The following SYTL2 variants were observed in gnomAD, a reference collection of about 807,000 sequenced individuals.
The protein encoded by SYTL2 is synaptotagmin-like protein 2.
A neutral mutation model predicts 198.7 loss-of-function variants in SYTL2; 165 were observed. The observed-to-expected ratio is 0.83, with a 90% CI of 0.73 to 0.94. The LOEUF (loss-of-function observed/expected upper bound fraction) is 0.94, where lower values mean the gene tolerates loss of function less well. SYTL2 is among the 40% of genes least tolerant of loss of function. The pLI, the probability that SYTL2 is intolerant of heterozygous loss-of-function variation, is 0.00. For synonymous variants in SYTL2, 966 were observed against 917.7 expected, an observed-to-expected ratio of 1.05 and a Z score of -0.95; for missense variants, 2,835 against 2,582.8, an observed-to-expected ratio of 1.10 and a Z score of -2.12.
intron 1 of SYTL2, among the ~76,000 whole-genome samples, chr11:85,794,756 T>C (rs919536971): frequency 2.0e-5 from 3 of 152,198 alleles, no homozygotes; most frequent in Non-Finnish European, 4.4e-5. Context: ...AAACATGAAA[T>C]TGAATTTGTA....
intron 13 of SYTL2, among the ~76,000 whole-genome samples, chr11:85,710,778 A>G (rs1172970616): frequency 2.6e-5 from 4 of 152,196 alleles, no homozygotes; most frequent in African/African-American, 9.6e-5. Flanking sequence ...CATATATAAA[A>G]GCATATCTGA....
chr11:85,761,865 T>C (rs1412314028), intron 1 of SYTL2, among the ~76,000 whole-genome samples: 1 of 152,198 alleles, frequency 6.6e-6, no homozygotes, highest in Non-Finnish European at 1.5e-5. Flanking sequence ...TGCCACGTTG[T>C]ACAGGCTGGT....
At chr11:85,789,576 CT>C (rs1397535135) in intron 1 of SYTL2, among the ~76,000 whole-genome samples, 1 of 150,974 alleles carries the variant, frequency 6.6e-6, no homozygotes, top group African/African-American at 2.4e-5. Context: ...TATTCTCTTC[CT>C]TTTTGATACA....
chr11:85,833,729 C>CTTTTTTTTT, the SYTL2 span, among the ~76,000 whole-genome samples: 3 of 121,162 alleles, frequency 2.5e-5, no homozygotes, highest in African/African-American at 3.1e-5. Context: ...TCGAAGATTT[C>CTTTTTTTTT]TTTTTTTTTT....
At chr11:85,778,111 G>A (rs1235429620) in intron 1 of SYTL2, among the ~76,000 whole-genome samples, 1 of 152,080 alleles carries the variant, frequency 6.6e-6, no homozygotes, top group Non-Finnish European at 1.5e-5. Flanking sequence ...GAACCATCAT[G>A]CCCGGCCGGT....
At chr11:85,815,916 C>A (rs1566053721), upstream of SYTL2, among the ~76,000 whole-genome samples, 1 of 152,150 alleles carries the variant, frequency 6.6e-6, no homozygotes, top group Non-Finnish European at 1.5e-5. Flanking sequence ...GTAATCCCAG[C>A]ACTTTGGGAA....
Position 85,727,229 on chromosome 11 carries a change from G to A in SYTL2, c.2129C>T (p.Ser710Leu), listed in dbSNP as rs1301478356. The stretch of plus-strand genomic sequence containing the variant: ...TGTTGAAGAGTCAAAATTCACTTCT[G>A]AGTGTCCTCTATTTTCTTCATGAGC... ...FHAHEENRGH[S>L]EVNFDSSTVV... Residue 710 changes from serine (S) to leucine (L), a missense_variant, in exon 8 of 20, where the codon TCA becomes TTA. Ser to Leu is a moderately radical substitution (Grantham distance 145). Coordinates refer to ENST00000359152, the MANE Select transcript of SYTL2 (RefSeq NM_206927.4). 3 of 1,535,990 alleles carry A rather than the reference G, an allele frequency of 2.0e-6. No individual in the cohort carries two copies. The East Asian group carries it at 7.3e-5, about 38-fold the overall frequency.
At chr11:85,758,762 G>A (rs2091991902) in intron 1 of SYTL2, among the ~76,000 whole-genome samples, 1 of 152,208 alleles carries the variant, frequency 6.6e-6, no homozygotes, top group African/African-American at 2.4e-5. Context: ...CATCCAAAGT[G>A]AGGATTTTTC....
chr11:85,752,936 A>AC (rs1488540954), intron 2 of SYTL2, among the ~76,000 whole-genome samples: 13 of 143,230 alleles, frequency 9.1e-5, no homozygotes, highest in Non-Finnish European at 1.5e-4. Context: ...AAAAAAAAAA[A>AC]AAAAAAAAAA....
intron 12 of SYTL2, 126 bp from the exon 13 acceptor site, chr11:85,711,358 T>G: frequency 1.0e-6 from 1 of 986,580 alleles, no homozygotes; most frequent in Non-Finnish European, 1.5e-6. Flanking sequence ...AGGATGCTAG[T>G]GCTAATTGCC....
the SYTL2 span, chr11:85,853,015 C>T: frequency 7.9e-3 from 2,498 of 316,942 alleles, 55 homozygotes; most frequent in African/African-American, 0.052. Flanking sequence ...GGAGCCCCTG[C>T]GCCCGGCAGC....
the SYTL2 span, among the ~76,000 whole-genome samples, chr11:85,825,371 G>A: frequency 7.7e-6 from 1 of 129,144 alleles, no homozygotes; most frequent in South Asian, 2.9e-4. Flanking sequence ...CTGGGCGACA[G>A]AGCGAGACTC....
chr11:85,813,363 T>C (rs2093057394), upstream of SYTL2, among the ~76,000 whole-genome samples: 1 of 152,154 alleles, frequency 6.6e-6, no homozygotes, highest in Non-Finnish European at 1.5e-5. Flanking sequence ...ACTGTGAAGA[T>C]TAAAAGAAGA....
intron 19 of SYTL2, among the ~76,000 whole-genome samples, chr11:85,695,582 T>G (rs1028306346): frequency 4.6e-5 from 7 of 152,192 alleles, no homozygotes. Context: ...AAAGGCCAGA[T>G]GAAAATTCAT....
At chr11:85,852,181 T>A in the SYTL2 span, among the ~76,000 whole-genome samples, 1 of 152,128 alleles carries the variant, frequency 6.6e-6, no homozygotes, top group Non-Finnish European at 1.5e-5. Context: ...AATATGATAA[T>A]CCATTTTTTA....
chr11:85,838,084 G>A, the SYTL2 span, among the ~76,000 whole-genome samples: 7 of 152,236 alleles, frequency 4.6e-5, no homozygotes, highest in South Asian at 2.1e-4. Context: ...AGATGTCTCC[G>A]GGGGAACAAA....
intron 1 of SYTL2, among the ~76,000 whole-genome samples, chr11:85,797,320 T>C (rs555950661): frequency 4.3e-4 from 65 of 152,340 alleles, no homozygotes; most frequent in African/African-American, 1.3e-3. Flanking sequence ...ATACAAATGT[T>C]ATATTAGAAA....
chr11:85,697,583 C>T (rs925088419), intron 18 of SYTL2, among the ~76,000 whole-genome samples: 2 of 152,108 alleles, frequency 1.3e-5, no homozygotes, highest in Non-Finnish European at 2.9e-5. Context: ...ATACAATGAC[C>T]GTTTGCAAAT....
At chr11:85,844,991 T>G in the SYTL2 span, among the ~76,000 whole-genome samples, 2 of 152,136 alleles carry the variant, frequency 1.3e-5, no homozygotes, top group Admixed American at 1.3e-4. Context: ...AACTCATCAT[T>G]TTCGTTTTTA....
Sources: gnomAD v4.1 joint callset for allele counts (sites outside exome capture counted in the v4.1 genomes callset) on GRCh38, gnomAD v4.1.1 for gene constraint, MANE v1.5 for transcripts, NCBI Gene and HGNC (gene_info 2026-07-23, HGNC 2026-07-21) for gene names.